Variants in MCPH1 observed in about 807,000 individuals in gnomAD.
The protein encoded by MCPH1 is microcephalin.
Under a neutral mutation model 84.5 loss-of-function variants are expected in MCPH1, and 104 were observed. The ratio of observed to expected loss-of-function variants is 1.23; its 90% confidence interval spans 1.05 to 1.45. MCPH1 has a LOEUF of 1.45. MCPH1 is among the 40% of genes most tolerant of loss of function. The pLI is 0.00. For synonymous variants in MCPH1, 514 were observed against 366.8 expected, an observed-to-expected ratio of 1.40 and a Z score of -4.58; for missense variants, 1,498 against 1,005.7, an observed-to-expected ratio of 1.49 and a Z score of -6.62.
intron 9 of MCPH1, among the ~76,000 whole-genome samples, chr8:6,456,469 A>G: frequency 6.6e-6 from 1 of 152,158 alleles, no homozygotes; most frequent in African/African-American, 2.4e-5. Context: ...ATTTGGAAAG[A>G]AATAAAGAAC....
intron 12 of MCPH1, among the ~76,000 whole-genome samples, chr8:6,520,372 C>T (rs552453222): frequency 3.3e-4 from 50 of 152,238 alleles, no homozygotes; most frequent in South Asian, 6.3e-4. Context: ...AAAAGAATGT[C>T]CCTAAACACT....
intron 12 of MCPH1, among the ~76,000 whole-genome samples, chr8:6,571,027 G>A (rs548871840): frequency 2.0e-5 from 3 of 151,832 alleles, no homozygotes; most frequent in African/African-American, 4.8e-5. Context: ...AATTCCTTGA[G>A]TTTTTAGAAA....
intron 12 of MCPH1, among the ~76,000 whole-genome samples, chr8:6,592,604 G>A (rs943218887): frequency 3.6e-5 from 4 of 110,490 alleles, no homozygotes; most frequent in African/African-American, 6.7e-5. Context: ...CTAGGCTCTC[G>A]TTTTTCTTTC....
chr8:6,536,631 T>G (rs1381444693), intron 12 of MCPH1, among the ~76,000 whole-genome samples: 3 of 152,126 alleles, frequency 2.0e-5, no homozygotes, highest in Non-Finnish European at 4.4e-5. Flanking sequence ...TTTTTAGAGG[T>G]ACAGAAAGAC....
At chr8:6,577,883 A>G (rs779129136) in intron 12 of MCPH1, among the ~76,000 whole-genome samples, 3 of 152,302 alleles carry the variant, frequency 2.0e-5, no homozygotes, top group South Asian at 2.1e-4. Context: ...TCCAGAATTT[A>G]TGTCTTCCTC....
chr8:6,635,668 C>T (rs915512870), intron 13 of MCPH1, among the ~76,000 whole-genome samples: 1 of 152,176 alleles, frequency 6.6e-6, no homozygotes, highest in African/African-American at 2.4e-5. Flanking sequence ...CAGAAAGGAG[C>T]TGTCGGTTCT....
At chr8:6,561,528 G>C (rs944786635) in intron 12 of MCPH1, among the ~76,000 whole-genome samples, 2 of 152,194 alleles carry the variant, frequency 1.3e-5, no homozygotes, top group Non-Finnish European at 2.9e-5. Flanking sequence ...TGAAATGAAA[G>C]AGTGAGAAAA....
At chr8:6,436,622 A>G (rs1802673922) in intron 5 of MCPH1, among the ~76,000 whole-genome samples, 1 of 151,434 alleles carries the variant, frequency 6.6e-6, no homozygotes, top group Admixed American at 6.6e-5. Flanking sequence ...ATGTCTTAGA[A>G]AAAAATATAT....
intron 3 of MCPH1, among the ~76,000 whole-genome samples, chr8:6,428,457 A>G (rs1801373939): frequency 6.6e-6 from 1 of 152,148 alleles, no homozygotes; most frequent in South Asian, 2.1e-4. Context: ...TGCAACCGTC[A>G]CCACAATTTA....
rs769757385 is a variant in MCPH1, at chr8:6,533,592, T to TA, written c.2214+33666dup. On this transcript the variant is annotated intron_variant, in intron 12 of 13. Coordinates refer to ENST00000344683, the MANE Select transcript of MCPH1 (RefSeq NM_024596.5). ...TTCTTTTTTTTTTTTTTTTTTTTTT[T>TA]AAATAATCTAATGATGGGAACCATT... 7.4e-5 allele frequency among the ~76,000 whole-genome samples: 11 copies of TA among 148,476 alleles called. No individual in the cohort carries two copies. The South Asian group carries it at 2.4e-3, about 32-fold the overall frequency.
At chr8:6,472,218 G>A (rs1296006846) in intron 9 of MCPH1, among the ~76,000 whole-genome samples, 3 of 152,124 alleles carry the variant, frequency 2.0e-5, no homozygotes, top group Non-Finnish European at 2.9e-5. Flanking sequence ...CATATAATTA[G>A]AATAGACCAA....
chr8:6,484,167 G>C (rs1349885120), intron 11 of MCPH1, among the ~76,000 whole-genome samples: 2 of 152,122 alleles, frequency 1.3e-5, no homozygotes, highest in Non-Finnish European at 2.9e-5. Flanking sequence ...TCTGACAAAA[G>C]ATTTATGTCT....
chr8:6,528,298 C>A (rs1247926478), intron 12 of MCPH1, among the ~76,000 whole-genome samples: 1 of 152,108 alleles, frequency 6.6e-6, no homozygotes, highest in Non-Finnish European at 1.5e-5. Context: ...TTATTTCATA[C>A]AATGAGACAA....
At position 6,557,250 on chromosome 8, in the gene MCPH1, A is replaced by G. The variant is rs556171840; in HGVS notation, c.2214+57321A>G. ...AATCCATACAAGGCTACTAAACTGC[A>G]GAGGGTACTGGTGTTAGCATGCCCC... On this transcript the variant is annotated intron_variant, in intron 12 of 13. Coordinates refer to ENST00000344683, the MANE Select transcript of MCPH1 (RefSeq NM_024596.5). Among the ~76,000 whole-genome samples the G allele has an allele frequency of 6.6e-5, 10 of 152,304 alleles. No homozygotes were observed. The South Asian group carries it at 2.1e-3, about 32-fold the overall frequency.
intron 12 of MCPH1, among the ~76,000 whole-genome samples, chr8:6,538,471 C>T (rs1820910642): frequency 6.6e-6 from 1 of 152,162 alleles, no homozygotes; most frequent in East Asian, 1.9e-4. Context: ...GGATAAGGTC[C>T]AGATTCCTTC....
intron 13 of MCPH1, chr8:6,625,672 C>A (rs1341013928): frequency 1.0e-6 from 1 of 984,874 alleles, no homozygotes; most frequent in Non-Finnish European, 1.2e-6. Context: ...TGGCCCATGC[C>A]TGTTGTCTTA....
intron 12 of MCPH1, chr8:6,620,968 T>G (rs1033344869): frequency 4.9e-6 from 1 of 202,482 alleles, no homozygotes; most frequent in Non-Finnish European, 1.0e-5. Flanking sequence ...CAGACCATGG[T>G]ATTGGATTTA....
In MCPH1 at chr8:6,412,411, C is replaced by T. The variant is rs115349453; in HGVS notation, c.115-2354C>T. On this transcript the variant is annotated intron_variant, in intron 2 of 13. Transcript: ENST00000344683. ...ACCTTTTATTTCAAAAATTGGCAAA[C>T]AGTTCAAAGAATAGTGAATACAGAT... Among the ~76,000 whole-genome samples the T allele has an allele frequency of 6.2e-3, 940 of 152,282 alleles. 11 individuals carry two copies. The highest frequency in any genetic ancestry group is 0.021 in the African/African-American group (868 of 41,552).
At chr8:6,630,616 T>C (rs1447292533) in intron 13 of MCPH1, among the ~76,000 whole-genome samples, 1 of 151,916 alleles carries the variant, frequency 6.6e-6, no homozygotes, top group Non-Finnish European at 1.5e-5. Flanking sequence ...ACCCTGTCTT[T>C]ACTAAAAATA....
Sources: gnomAD v4.1 joint callset for allele counts (sites outside exome capture counted in the v4.1 genomes callset) on GRCh38, gnomAD v4.1.1 for gene constraint, MANE v1.5 for transcripts, NCBI Gene and HGNC (gene_info 2026-07-23, HGNC 2026-07-21) for gene names.